The following SSH2 variants were observed in gnomAD, a reference collection of about 807,000 sequenced individuals.
SSH2 encodes the protein slingshot protein phosphatase 2, also known as protein phosphatase Slingshot homolog 2.
A neutral mutation model predicts 135.2 loss-of-function variants in SSH2; 37 were observed. The observed-to-expected ratio is 0.27, with a 90% CI of 0.21 to 0.36. The LOEUF (loss-of-function observed/expected upper bound fraction) is 0.36, where lower values mean the gene tolerates loss of function less well. SSH2 is among the 10% of genes least tolerant of loss of function. The pLI is 1.00. For synonymous variants in SSH2, 628 were observed against 646.2 expected (o/e 0.97, Z 0.43); for missense variants, 1,408 against 1,765.3 (o/e 0.80, Z 3.63).
At chr17:29,863,067 G>A (rs931379899) in intron 1 of SSH2, among the ~76,000 whole-genome samples, 2 of 149,242 alleles carry the variant, frequency 1.3e-5, no homozygotes, top group Non-Finnish European at 3.0e-5. Context: ...AAAAAGGATT[G>A]TTTTTTTTTT....
At chr17:29,816,291 A>G (rs1373459044) in intron 2 of SSH2, among the ~76,000 whole-genome samples, 1 of 152,200 alleles carries the variant, frequency 6.6e-6, no homozygotes, top group East Asian at 1.9e-4. Flanking sequence ...TTTTTATAGT[A>G]ACAGATATAG....
intron 5 of SSH2, among the ~76,000 whole-genome samples, chr17:29,688,369 T>C (rs937963950): frequency 6.6e-6 from 1 of 152,194 alleles, no homozygotes; most frequent in African/African-American, 2.4e-5. Context: ...TGGCTCTCCC[T>C]TGCTTACTCA....
intron 3 of SSH2, among the ~76,000 whole-genome samples, chr17:29,734,270 A>G (rs140956292): frequency 6.6e-6 from 1 of 152,302 alleles, no homozygotes; most frequent in East Asian, 1.9e-4. Flanking sequence ...GGCTTTCAAG[A>G]CATAGAAAGG....
rs904233080 is a variant in SSH2, at chr17:29,928,910, C to G, written c.63+1028G>C. On this transcript the variant is annotated intron_variant, in intron 1 of 15. Coordinates refer to ENST00000540801, the MANE Select transcript of SSH2 (RefSeq NM_001282129.2). Reference sequence around the variant, plus strand: ...CAACACCGTTTTTAAAATTACAGTTCTGTAGGAAGTTCAAGGTGGTTTTCC... The same window carrying G: ...CAACACCGTTTTTAAAATTACAGTTGTGTAGGAAGTTCAAGGTGGTTTTCC... 2.0e-5 allele frequency among the ~76,000 whole-genome samples: 3 copies of G among 152,156 alleles called. No individual in the cohort carries two copies. In the East Asian group the frequency reaches 5.8e-4, roughly 29 times the overall value.
intron 2 of SSH2, among the ~76,000 whole-genome samples, chr17:29,847,708 A>C (rs967052545): frequency 6.6e-6 from 1 of 152,300 alleles, no homozygotes; most frequent in African/African-American, 2.4e-5. Context: ...AGATGGGATA[A>C]AGCAAAGAAA....
rs531410158 is a variant in SSH2 at position 29,894,007 on chromosome 17, C to T, written c.63+35931G>A. Among the ~76,000 whole-genome samples the T allele has an allele frequency of 1.2e-3, 181 of 152,204 alleles. No individual in the cohort carries two copies. The Middle Eastern group carries it at 0.02, about 17-fold the overall frequency. ...GTCTATCTTTAGGCTTCTCTCATCT[C>T]ACACCTTAGTCACCTTTTAGTTCTC... On this transcript the variant is annotated intron_variant, in intron 1 of 15. Transcript: ENST00000540801.
chr17:29,703,639 G>C (rs369475766), intron 3 of SSH2, among the ~76,000 whole-genome samples: 1 of 116,824 alleles, frequency 8.6e-6, no homozygotes, highest in Admixed American at 9.0e-5. Context: ...GCAGTGGTGC[G>C]ATCTCGGCTC....
At chr17:29,727,178 A>G (rs1044164018) in intron 3 of SSH2, among the ~76,000 whole-genome samples, 1 of 152,216 alleles carries the variant, frequency 6.6e-6, no homozygotes, top group Non-Finnish European at 1.5e-5. Context: ...CAAATGAACA[A>G]TAATGCAGAT....
intron 1 of SSH2, among the ~76,000 whole-genome samples, chr17:29,893,517 C>T (rs934789547): frequency 6.6e-6 from 1 of 152,118 alleles, no homozygotes; most frequent in African/African-American, 2.4e-5. Flanking sequence ...ACATTTGTTC[C>T]TTCTACATGA....
chr17:29,837,852 G>A (rs1483445378), intron 2 of SSH2, among the ~76,000 whole-genome samples: 8 of 152,262 alleles, frequency 5.3e-5, no homozygotes, highest in South Asian at 2.1e-4. Context: ...GGAGCTGGGG[G>A]GAGCTGGGGA....
intron 12 of SSH2, among the ~76,000 whole-genome samples, chr17:29,652,467 G>A (rs1206340025): frequency 6.6e-6 from 1 of 151,930 alleles, no homozygotes; most frequent in African/African-American, 2.4e-5. Context: ...TTGTGGTGAT[G>A]GTTGCACGGC....
At chr17:29,689,391 A>T (rs566518407) in intron 5 of SSH2, among the ~76,000 whole-genome samples, 1 of 152,338 alleles carries the variant, frequency 6.6e-6, no homozygotes, top group East Asian at 1.9e-4. Context: ...CAGCATTTCC[A>T]ATGTTTCTTC....
At chr17:29,831,510 G>T (rs1295822499) in intron 2 of SSH2, among the ~76,000 whole-genome samples, 1 of 151,432 alleles carries the variant, frequency 6.6e-6, no homozygotes, top group Non-Finnish European at 1.5e-5. Flanking sequence ...AATTTTCACT[G>T]TAAGATACCA....
At chr17:29,739,876 C>T (rs1483763911) in intron 3 of SSH2, among the ~76,000 whole-genome samples, 4 of 152,186 alleles carry the variant, frequency 2.6e-5, no homozygotes. Context: ...TCCAATACAT[C>T]ACAATTTAAT....
chr17:29,802,956 AG>A (rs2042276885), intron 2 of SSH2, among the ~76,000 whole-genome samples: 1 of 152,234 alleles, frequency 6.6e-6, no homozygotes, highest in African/African-American at 2.4e-5. Flanking sequence ...TCTATCAGAC[AG>A]GAAAAAGGAA....
Position 29,752,456 on chromosome 17 carries a change from A to AT in SSH2, c.188+41437dup, listed in dbSNP as rs530062781. Among the ~76,000 whole-genome samples the AT allele has an allele frequency of 9.1e-4, 138 of 152,294 alleles. 8 individuals are homozygous for AT. The East Asian group carries it at 0.018, about 20-fold the overall frequency. ...AAATAATGGTAAATTTGGTATTAGA[A>AT]TAACTATCCAATTGGAAAAAAAAGG... On this transcript the variant is annotated intron_variant, in intron 3 of 15. Coordinates refer to ENST00000540801, the MANE Select transcript of SSH2 (RefSeq NM_001282129.2).
chr17:29,831,546 C>T (rs1467366290), intron 2 of SSH2, among the ~76,000 whole-genome samples: 1 of 151,616 alleles, frequency 6.6e-6, no homozygotes, highest in East Asian at 1.9e-4. Context: ...CACTTCTTGC[C>T]ATCTCACTAC....
chr17:29,922,439 A>G (rs568761382), intron 1 of SSH2, among the ~76,000 whole-genome samples: 26 of 152,246 alleles, frequency 1.7e-4, no homozygotes, highest in Admixed American at 5.9e-4. Flanking sequence ...AGTGTTGCAC[A>G]ACTCTGTAAA....
At chr17:29,918,022 A>C (rs1835355815) in intron 1 of SSH2, among the ~76,000 whole-genome samples, 1 of 151,990 alleles carries the variant, frequency 6.6e-6, no homozygotes, top group African/African-American at 2.4e-5. Flanking sequence ...CTCTACAAAA[A>C]ATAAAAAAAA....
Sources: allele counts gnomAD v4.1 joint callset (sites outside exome capture counted in the v4.1 genomes callset), GRCh38; gene constraint gnomAD v4.1.1; transcripts MANE v1.5; gene names NCBI Gene and HGNC (gene_info 2026-07-23, HGNC 2026-07-21).